Variants in LINGO2 observed in about 807,000 individuals in gnomAD.
LINGO2 encodes leucine-rich repeat and immunoglobulin-like domain-containing nogo receptor-interacting protein 2.
In LINGO2, 14 loss-of-function variants were observed where a neutral mutation model predicts 30.6. The ratio of observed to expected loss-of-function variants is 0.46; its 90% CI spans 0.30 to 0.72. The LOEUF is 0.72. Among genes scored for constraint, LINGO2 ranks in the 30% least tolerant of loss-of-function variants. LINGO2 has a pLI of 0.07. For synonymous variants in LINGO2, 317 were observed against 288.5 expected (o/e 1.10, Z -1.00); for missense variants, 729 against 751.7 (o/e 0.97, Z 0.35).
the LINGO2 span, among the ~76,000 whole-genome samples, chr9:29,102,034 T>G: frequency 2.0e-5 from 3 of 152,182 alleles, no homozygotes; most frequent in African/African-American, 7.2e-5. Flanking sequence ...TTTTCAGAGA[T>G]AAAACTATCA....
intron 2 of LINGO2, among the ~76,000 whole-genome samples, chr9:28,439,011 T>C (rs924631055): frequency 1.4e-5 from 2 of 147,196 alleles, no homozygotes; most frequent in Non-Finnish European, 3.0e-5. Context: ...TTATATATAA[T>C]GAAATACAGA....
chr9:29,064,872 C>T, the LINGO2 span, among the ~76,000 whole-genome samples: 1 of 151,332 alleles, frequency 6.6e-6, no homozygotes, highest in African/African-American at 2.4e-5. Flanking sequence ...CATATTTATC[C>T]CTATGTTTAT....
intron 4 of LINGO2, among the ~76,000 whole-genome samples, chr9:28,149,957 C>A (rs1827947587): frequency 6.6e-6 from 1 of 151,268 alleles, no homozygotes; most frequent in Non-Finnish European, 1.5e-5. Flanking sequence ...GGCCTCCTCA[C>A]CGTCTGGGAA....
the LINGO2 span, among the ~76,000 whole-genome samples, chr9:28,784,643 G>T: frequency 6.6e-6 from 1 of 152,146 alleles, no homozygotes; most frequent in African/African-American, 2.4e-5. Context: ...ACACAAGATA[G>T]TATATGATTC....
At chr9:28,797,359 T>TATATAGAGAGAGAGAGAG in the LINGO2 span, among the ~76,000 whole-genome samples, 18 of 34,216 alleles carry the variant, frequency 5.3e-4, no homozygotes, top group Admixed American at 1.0e-3. Context: ...TATATATATA[T>TATATAGAGAGAGAGAGAG]AGAGAGAGAG....
chr9:29,205,274 C>T, the LINGO2 span, among the ~76,000 whole-genome samples: 16 of 152,174 alleles, frequency 1.1e-4, no homozygotes, highest in African/African-American at 3.9e-4. Context: ...CTCTTGACCT[C>T]GGTATCCACC....
chr9:29,036,038 G>A, the LINGO2 span, among the ~76,000 whole-genome samples: 3 of 152,040 alleles, frequency 2.0e-5, no homozygotes, highest in African/African-American at 7.2e-5. Flanking sequence ...GGTGGGGATA[G>A]TTTACCTCAT....
chr9:28,096,169 G>C (rs1281731136), intron 4 of LINGO2, among the ~76,000 whole-genome samples: 1 of 152,004 alleles, frequency 6.6e-6, no homozygotes, highest in Non-Finnish European at 1.5e-5. Context: ...GGATAGTTCT[G>C]TTGCCTACAA....
At chr9:27,946,253 G>A (rs1157531052), downstream of LINGO2, among the ~76,000 whole-genome samples, 6 of 152,020 alleles carry the variant, frequency 3.9e-5, no homozygotes, top group South Asian at 8.3e-4. Flanking sequence ...CTCTAAAGGT[G>A]GTTACAGAAT....
At chr9:28,502,917 A>C (rs1587767514) in intron 1 of LINGO2, among the ~76,000 whole-genome samples, 1 of 152,234 alleles carries the variant, frequency 6.6e-6, no homozygotes, top group East Asian at 1.9e-4. Flanking sequence ...AAGATGGCAA[A>C]GCCTCCTTAA....
At chr9:28,201,625 C>A (rs2133822802) in intron 4 of LINGO2, among the ~76,000 whole-genome samples, 1 of 151,418 alleles carries the variant, frequency 6.6e-6, no homozygotes, top group East Asian at 2.0e-4. Flanking sequence ...AATGGTATTT[C>A]TAGTTCTAGA....
chr9:28,959,612 TCACACACACACA>T, the LINGO2 span, among the ~76,000 whole-genome samples: 2 of 132,158 alleles, frequency 1.5e-5, no homozygotes, highest in African/African-American at 3.2e-5. Flanking sequence ...TCTCTCTCCC[TCACACACACACA>T]CACACACACA....
the LINGO2 span, among the ~76,000 whole-genome samples, chr9:29,162,518 A>G: frequency 6.6e-6 from 1 of 152,190 alleles, no homozygotes; most frequent in Non-Finnish European, 1.5e-5. Context: ...GTATATGTTC[A>G]TCAAATGAAT....
At chr9:28,742,725 C>T in the LINGO2 span, among the ~76,000 whole-genome samples, 1 of 151,756 alleles carries the variant, frequency 6.6e-6, no homozygotes, top group Non-Finnish European at 1.5e-5. Context: ...TAGTTACATT[C>T]ACTTTTTGAT....
chr9:29,106,074 T>C, the LINGO2 span, among the ~76,000 whole-genome samples: 1 of 152,194 alleles, frequency 6.6e-6, no homozygotes, highest in Non-Finnish European at 1.5e-5. Flanking sequence ...ATGTTTCTTT[T>C]AGCATCTCAT....
intron 4 of LINGO2, among the ~76,000 whole-genome samples, chr9:28,237,444 C>T (rs1013456275): frequency 2.6e-5 from 4 of 152,052 alleles, no homozygotes; most frequent in East Asian, 1.9e-4. Context: ...CACCACTTAT[C>T]TGTCACTCAA....
At chr9:28,528,931 A>G (rs1165218288) in intron 1 of LINGO2, among the ~76,000 whole-genome samples, 2 of 152,152 alleles carry the variant, frequency 1.3e-5, no homozygotes, top group African/African-American at 4.8e-5. Context: ...ATTCAATATC[A>G]TTACTTTATC....
chr9:28,469,019 A>T (rs1356792791), intron 2 of LINGO2, among the ~76,000 whole-genome samples: 2 of 152,232 alleles, frequency 1.3e-5, no homozygotes, highest in Non-Finnish European at 2.9e-5. Flanking sequence ...TGTCTTAAAT[A>T]TGCTCTAAGA....
chr9:28,960,015 A>G, the LINGO2 span, among the ~76,000 whole-genome samples: 26 of 152,288 alleles, frequency 1.7e-4, no homozygotes, highest in South Asian at 5.2e-3. Context: ...GCTGGTGTTA[A>G]GATTTTCAGC....
Sources: allele counts gnomAD v4.1 joint callset (sites outside exome capture counted in the v4.1 genomes callset), GRCh38; gene constraint gnomAD v4.1.1; transcripts MANE v1.5; gene names NCBI Gene and HGNC (gene_info 2026-07-23, HGNC 2026-07-21).